ARL8A: variants seen among roughly 807,000 people sequenced by gnomAD.
ARL8A encodes the protein ARF like GTPase 8A.
A neutral mutation model predicts 31.2 loss-of-function variants in ARL8A; 10 were observed. The ratio of observed to expected loss-of-function variants is 0.32; its 90% CI spans 0.20 to 0.54. ARL8A has a LOEUF of 0.54. Among genes scored for constraint, ARL8A ranks in the 20% least tolerant of loss-of-function variants. The pLI is 0.93. For synonymous variants in ARL8A, 70 were observed against 86.9 expected (o/e 0.81, Z 1.08); for missense variants, 129 against 242.8 (o/e 0.53, Z 3.12).
At position 202,142,771 on chromosome 1, in the gene ARL8A, C is replaced by T. The variant is rs558500077; in HGVS notation, c.123+1679G>A. ...GGATATGATGCTGGTCTAGAGGGGGCCCTCCTGTCAAAGGCTCAACTGCAG... is the reference window on the plus strand; with the variant it reads ...GGATATGATGCTGGTCTAGAGGGGGTCCTCCTGTCAAAGGCTCAACTGCAG... On this transcript the variant is annotated intron_variant, in intron 1 of 6. Transcript: ENST00000272217. 2.5e-4 allele frequency among the ~76,000 whole-genome samples: 38 copies of T among 152,202 alleles called. 1 individual carries two copies. Among genetic ancestry groups the T allele is most frequent in the Middle Eastern group, 6.8e-3 (2 of 294 alleles).
Position 202,134,460 on chromosome 1 carries a change from T to G in ARL8A, c.*7A>C. On this transcript the variant is annotated 3_prime_UTR_variant, in exon 7 of 7. Transcript: ENST00000272217. The surrounding 1 kb of genome is among the most constrained non-coding windows in gnomAD (Gnocchi z 4.2). Reference sequence around the variant, plus strand: ...GGTCCCTGGTCTGAGGGAGAAGGGCTGGAGTCTCAGCTTCTCCGTGACTTC... The same window carrying G: ...GGTCCCTGGTCTGAGGGAGAAGGGCGGGAGTCTCAGCTTCTCCGTGACTTC... 1 of 1,611,946 alleles carries G rather than the reference T, an allele frequency of 6.2e-7. No individual in the cohort carries two copies. The highest frequency in any genetic ancestry group is 2.2e-5 in the East Asian group (1 of 44,848).
chr1:202,138,401 C>T lies in ARL8A; in HGVS notation c.171G>A (p.Met57Ile), dbSNP rs777959090. Residue 57 changes from methionine to isoleucine, a missense_variant, in exon 2 of 7, where the codon ATG becomes ATA. By Grantham distance (10) the Met-to-Ile change is conservative. Transcript: ENST00000272217. The surrounding 1 kb of genome is among the most constrained non-coding windows in gnomAD (Gnocchi z 4.4). ...EDMIPTVGFNMRKITKGNVTI... is the reference protein window; with the variant it reads ...EDMIPTVGFNIRKITKGNVTI... ...TCACATTCCCTTTGGTGATTTTGCG[C>T]ATGTTGAAACCCACGGTGGGGATCA... The T allele has an allele frequency of 6.2e-7, 1 of 1,614,052 alleles. No individual in the cohort carries two copies. The highest frequency in any genetic ancestry group is 8.5e-7 in the Non-Finnish European group (1 of 1,180,002).
At position 202,133,715 on chromosome 1, in the gene ARL8A, G is replaced by A. The variant is rs1654925303; in HGVS notation, c.*752C>T. 2 of 152,268 alleles carry A rather than the reference G, an allele frequency of 1.3e-5. No homozygotes were observed. Among genetic ancestry groups the A allele is most frequent in the South Asian group, 4.1e-4 (2 of 4,834 alleles). The allele number at this position is 152,268 out of a possible 1,614,324, so 9.4% of individuals were successfully genotyped here. The stretch of plus-strand genomic sequence containing the variant: ...TGGGAGCCAGGAACAGGCAGGAGGG[G>A]GCTGCTGGGGCATGGACGCTGGCTT... On this transcript the variant is annotated 3_prime_UTR_variant, in exon 7 of 7. Transcript: ENST00000272217.
intron 3 of ARL8A, among the ~76,000 whole-genome samples, chr1:202,136,906 G>A (rs1655023955): frequency 6.6e-6 from 1 of 151,806 alleles, no homozygotes; most frequent in South Asian, 2.1e-4. Context: ...CCAGGCTGGA[G>A]TGCAGTGATG....
intron 1 of ARL8A, among the ~76,000 whole-genome samples, chr1:202,139,234 T>C (rs1357058704): frequency 6.6e-6 from 1 of 152,146 alleles, no homozygotes; most frequent in East Asian, 1.9e-4. Flanking sequence ...CATATCTCCA[T>C]GTTCACAGGT....
At chr1:202,142,764 G>C (rs1270136653) in intron 1 of ARL8A, among the ~76,000 whole-genome samples, 1 of 152,136 alleles carries the variant, frequency 6.6e-6, no homozygotes, top group African/African-American at 2.4e-5. Flanking sequence ...TGCTGGTCTA[G>C]AGGGGGCCCT....
Position 202,138,054 on chromosome 1 carries a change from G to A in ARL8A, c.205-16C>T, listed in dbSNP as rs1371685685. On this transcript the variant is annotated splice_polypyrimidine_tract_variant and intron_variant, in intron 2 of 6. Coordinates refer to ENST00000272217, the MANE Select transcript of ARL8A (RefSeq NM_138795.4). This position sits in a 1 kb window ranked among gnomAD's most constrained non-coding sequence, Gnocchi z 4.4. The stretch of plus-strand genomic sequence containing the variant: ...TGTCCCAGAGCTGAGCAAGAAGAGG[G>A]TGAGATAGCCTCAGTAGTGGGCAGG... 4 of 1,613,864 alleles carry A rather than the reference G, an allele frequency of 2.5e-6. No homozygotes were observed. The South Asian group carries it at 3.3e-5, about 13-fold the overall frequency.
chr1:202,140,852 G>A (rs182992416), intron 1 of ARL8A, among the ~76,000 whole-genome samples: 84 of 152,288 alleles, frequency 5.5e-4, no homozygotes, highest in Non-Finnish European at 1.0e-3. Context: ...GTTCTTGTTT[G>A]TCTCTCATCC....
Position 202,133,527 on chromosome 1 carries a change from G to C in ARL8A, c.*940C>G, listed in dbSNP as rs2147809252. 6.6e-6 allele frequency: 1 copy of C among 152,338 alleles called. No homozygotes were observed. Among genetic ancestry groups the C allele is most frequent in the African/African-American group, 2.4e-5 (1 of 41,566 alleles). 9.4% of individuals were successfully genotyped at this position (152,338 alleles called of 1,614,324 possible). On this transcript the variant is annotated 3_prime_UTR_variant, in exon 7 of 7. Transcript: ENST00000272217. ...ATATGAGCTGAAAAGTGTAAAAAAG[G>C]AAGAGGAACATCACTTTACAAATCA...
intron 3 of ARL8A, among the ~76,000 whole-genome samples, chr1:202,137,512 A>G (rs1655042800): frequency 6.6e-6 from 1 of 152,096 alleles, no homozygotes; most frequent in Non-Finnish European, 1.5e-5. Context: ...CTGTAATCCC[A>G]GCTACTTGGG....
Position 202,138,529 on chromosome 1 carries a change from C to T in ARL8A, c.124-81G>A. The T allele has an allele frequency of 7.3e-7, 1 of 1,369,044 alleles. No individual in the cohort carries two copies. 84.8% of individuals were successfully genotyped at this position (1,369,044 alleles called of 1,614,324 possible). A position where few individuals can be genotyped will look rare whatever the true frequency, so the allele number is the denominator to read the frequency against. Reference sequence around the variant, plus strand: ...AGACCAAGAGGCTGCGAGAACCATGCAGAGGCCAGGCCAGAGCTTCCTAGA... The same window carrying T: ...AGACCAAGAGGCTGCGAGAACCATGTAGAGGCCAGGCCAGAGCTTCCTAGA... On this transcript the variant is annotated intron_variant, in intron 1 of 6. Coordinates refer to ENST00000272217, the MANE Select transcript of ARL8A (RefSeq NM_138795.4). This position sits in a 1 kb window ranked among gnomAD's most constrained non-coding sequence, Gnocchi z 4.4.
chr1:202,140,486 GGAT>G (rs1462508481), intron 1 of ARL8A, among the ~76,000 whole-genome samples: 1 of 152,070 alleles, frequency 6.6e-6, no homozygotes, highest in Non-Finnish European at 1.5e-5. Context: ...CAGGGCCTTA[GGAT>G]GATATAAGAA....
chr1:202,134,964 G>A lies in ARL8A; in HGVS notation c.511+186C>T, dbSNP rs940271431. The stretch of plus-strand genomic sequence containing the variant: ...GCCCAGAGCGGGGATCGATTTGCCC[G>A]AGATCACACAACCGCTTGGCGACAA... On this transcript the variant is annotated intron_variant, in intron 6 of 6. Transcript: ENST00000272217. The surrounding 1 kb of genome is among the most constrained non-coding windows in gnomAD (Gnocchi z 4.2). 6.6e-6 allele frequency among the ~76,000 whole-genome samples: 1 copy of A among 151,358 alleles called. No individual in the cohort carries two copies. Among genetic ancestry groups the A allele is most frequent in the Non-Finnish European group, 1.5e-5 (1 of 67,848 alleles).
rs1655081522 is a variant in ARL8A, at chr1:202,138,552, A to G, written c.124-104T>C. On this transcript the variant is annotated intron_variant, in intron 1 of 6. Transcript: ENST00000272217. This position sits in a 1 kb window ranked among gnomAD's most constrained non-coding sequence, Gnocchi z 4.4. ...TGCAGAGGCCAGGCCAGAGCTTCCT[A>G]GACTTCCCACTGTGGGGTACTCTTG... The G allele has an allele frequency of 4.6e-6, 5 of 1,077,172 alleles. No individual in the cohort carries two copies. Among genetic ancestry groups the G allele is most frequent in the African/African-American group, 1.6e-5 (1 of 63,816 alleles). The allele number at this position is 1,077,172 out of a possible 1,614,324, so 66.7% of individuals were successfully genotyped here.
Position 202,144,733 on chromosome 1 carries a change from G to T in ARL8A, c.-161C>A. 1 of 777,092 alleles carries T rather than the reference G, an allele frequency of 1.3e-6. No homozygotes were observed. Among genetic ancestry groups the T allele is most frequent in the Non-Finnish European group, 1.6e-6 (1 of 630,660 alleles). The allele number at this position is 777,092 out of a possible 1,614,324, so 48.1% of individuals were successfully genotyped here. ...GCCGACGACTCGCTGCCCCGGAATCGGCTCGCCGATGGGTGTGGCTTCCGC... is the reference window on the plus strand; with the variant it reads ...GCCGACGACTCGCTGCCCCGGAATCTGCTCGCCGATGGGTGTGGCTTCCGC... On this transcript the variant is annotated 5_prime_UTR_variant, in exon 1 of 7. Transcript: ENST00000272217. This position sits in a 1 kb window ranked among gnomAD's most constrained non-coding sequence, Gnocchi z 5.2.
rs965117068 is a variant in ARL8A, at chr1:202,138,556, T to C, written c.124-108A>G. 58 of 1,017,130 alleles carry C rather than the reference T, an allele frequency of 5.7e-5. No homozygotes were observed. Among genetic ancestry groups the C allele is most frequent in the Non-Finnish European group, 8.3e-5 (55 of 663,672 alleles). The allele number at this position is 1,017,130 out of a possible 1,614,324, so 63.0% of individuals were successfully genotyped here. A position where few individuals can be genotyped will look rare whatever the true frequency, so the allele number is the denominator to read the frequency against. On this transcript the variant is annotated intron_variant, in intron 1 of 6. Coordinates refer to ENST00000272217, the MANE Select transcript of ARL8A (RefSeq NM_138795.4). The surrounding 1 kb of genome is among the most constrained non-coding windows in gnomAD (Gnocchi z 4.4). ...GAGGCCAGGCCAGAGCTTCCTAGAC[T>C]TCCCACTGTGGGGTACTCTTGCACA... is the stretch of plus-strand genomic sequence containing the variant.
Position 202,135,666 on chromosome 1 carries a change from G to A in ARL8A, c.372+41C>T, listed in dbSNP as rs375940850. 98 of 1,596,258 alleles carry A rather than the reference G, an allele frequency of 6.1e-5. 2 individuals are homozygous for A. In the Middle Eastern group the frequency reaches 1.7e-3, roughly 28 times the overall value. Reference sequence around the variant, plus strand: ...TTTACCTGCTCCCAGTGACTTCCCAGCCGAGCTCCCTCCCCATCCCGCTCC... The same window carrying A: ...TTTACCTGCTCCCAGTGACTTCCCAACCGAGCTCCCTCCCCATCCCGCTCC... On this transcript the variant is annotated intron_variant, in intron 4 of 6. Coordinates refer to ENST00000272217, the MANE Select transcript of ARL8A (RefSeq NM_138795.4). The surrounding 1 kb of genome is among the most constrained non-coding windows in gnomAD (Gnocchi z 5.3).
At chr1:202,140,941 G>C (rs768299644) in intron 1 of ARL8A, among the ~76,000 whole-genome samples, 1 of 152,084 alleles carries the variant, frequency 6.6e-6, no homozygotes, top group African/African-American at 2.4e-5. Flanking sequence ...GAAGGGTTTC[G>C]GTCTCCTAGG....
At chr1:202,142,175 A>G (rs543278495) in intron 1 of ARL8A, among the ~76,000 whole-genome samples, 19 of 152,214 alleles carry the variant, frequency 1.2e-4, no homozygotes, top group Non-Finnish European at 2.2e-4. Flanking sequence ...CTGATGTTTC[A>G]GGTTCTTAGA....
Sources: allele counts gnomAD v4.1 joint callset (sites outside exome capture counted in the v4.1 genomes callset), GRCh38; gene constraint gnomAD v4.1.1; non-coding constraint Gnocchi (gnomAD v3.1); transcripts MANE v1.5; gene names NCBI Gene and HGNC (gene_info 2026-07-23, HGNC 2026-07-21).